The following DIP2A variants were observed in gnomAD, a reference collection of about 807,000 sequenced individuals.
DIP2A encodes DIP2 acetate--CoA ligase A, also known as disco-interacting protein 2 homolog A.
A neutral mutation model predicts 177.4 loss-of-function variants in DIP2A; 85 were observed. The ratio of observed to expected loss-of-function variants is 0.48; its 90% CI spans 0.40 to 0.57. The LOEUF is 0.57. Ranked by LOEUF, DIP2A falls within the 20% of genes least tolerant of loss-of-function variation. The pLI, the probability that DIP2A is intolerant of heterozygous loss-of-function variation, is 0.00. For synonymous variants in DIP2A, 886 were observed against 881.8 expected (o/e 1.00, Z -0.08); for missense variants, 1,791 against 2,100.2 (o/e 0.85, Z 2.88).
rs1601524236 is a variant in DIP2A, at chr21:46,498,470, G to T, written c.404-112G>T. The T allele has an allele frequency of 1.5e-6, 2 of 1,316,096 alleles. No individual in the cohort carries two copies. Among genetic ancestry groups the T allele is most frequent in the African/African-American group, 1.5e-5 (1 of 68,298 alleles). 81.5% of individuals were successfully genotyped at this position (1,316,096 alleles called of 1,614,324 possible). On this transcript the variant is annotated intron_variant, in intron 4 of 37. Transcript: ENST00000417564. This position sits in a 1 kb window ranked among gnomAD's most constrained non-coding sequence, Gnocchi z 4.3. ...GTGGCTTTGGGCAGAGCTGTGCCAG[G>T]TGTACAGAAGCATGCTGCACACAGG...
rs2060723802 is a variant in DIP2A at position 46,563,164 on chromosome 21, G to A, written c.4090-694G>A. Among the ~76,000 whole-genome samples, 1 of 152,180 alleles carries A rather than the reference G, an allele frequency of 6.6e-6. No individual in the cohort carries two copies. Among genetic ancestry groups the A allele is most frequent in the South Asian group, 2.1e-4 (1 of 4,828 alleles). ...GAAACAGAACAGTCCCACTCCGCCGGGGAGGGTCTGGCGGTAACCGTAGCT... is the reference window on the plus strand; with the variant it reads ...GAAACAGAACAGTCCCACTCCGCCGAGGAGGGTCTGGCGGTAACCGTAGCT... On this transcript the variant is annotated intron_variant, in intron 34 of 37. Coordinates refer to ENST00000417564, the MANE Select transcript of DIP2A (RefSeq NM_015151.4). The surrounding 1 kb of genome is among the most constrained non-coding windows in gnomAD (Gnocchi z 4.3).
Position 46,541,874 on chromosome 21 carries a change from G to A in DIP2A, c.2155G>A (p.Val719Ile), listed in dbSNP as rs750844946. Residue 719 changes from valine (V) to isoleucine (I), a missense_variant, in exon 18 of 38, where the codon GTT becomes ATT. Physicochemically the swap from Val to Ile is conservative, Grantham distance 29. Coordinates refer to ENST00000417564, the MANE Select transcript of DIP2A (RefSeq NM_015151.4). ...EKLSVLTVQD[V>I]GQVMPGANVC... ...GTTGTCAGTCCTTACTGTTCAGGAC[G>A]TTGGTCAGGTGATGCCTGGAGGTAA... is the stretch of plus-strand genomic sequence containing the variant. 9.3e-6 allele frequency: 15 copies of A among 1,614,052 alleles called. No homozygotes were observed. The highest frequency in any genetic ancestry group is 1.6e-4 in the Middle Eastern group (1 of 6,062).
chr21:46,484,649 C>T (rs760030204), intron 1 of DIP2A, 108 bp from the exon 2 acceptor site: 74 of 922,724 alleles, frequency 8.0e-5, no homozygotes, highest in Non-Finnish European at 1.2e-4. Context: ...CCAGACACTT[C>T]ATGGAAGGAC....
intron 32 of DIP2A, among the ~76,000 whole-genome samples, chr21:46,560,233 G>T (rs116891360): frequency 3.3e-5 from 5 of 152,102 alleles, no homozygotes; most frequent in Admixed American, 2.6e-4. Flanking sequence ...TCCTTTAGTC[G>T]GGATTAATGT....
In DIP2A at chr21:46,557,717, C is replaced by T; in HGVS notation, c.3762C>T (p.Cys1254=). 1 of 1,613,088 alleles carries T rather than the reference C, an allele frequency of 6.2e-7. No individual in the cohort carries two copies. Among genetic ancestry groups the T allele is most frequent in the South Asian group, 1.1e-5 (1 of 91,052 alleles). ...TFCSYSVMEM[C]TKGLGAQTGV... is the part of the protein sequence containing the mutation. ...GCTCCTACTCTGTGATGGAGATGTGCACCAAGGGCCTAGGCGCACAGACGG... is the reference window on the plus strand; with the variant it reads ...GCTCCTACTCTGTGATGGAGATGTGTACCAAGGGCCTAGGCGCACAGACGG... Residue 1254 remains cysteine, a synonymous_variant, in exon 31 of 38, where the codon TGC becomes TGT. Coordinates refer to ENST00000417564, the MANE Select transcript of DIP2A (RefSeq NM_015151.4). This position sits in a 1 kb window ranked among gnomAD's most constrained non-coding sequence, Gnocchi z 6.0.
chr21:46,464,844 T>TTTTTTC (rs58546395), intron 1 of DIP2A, among the ~76,000 whole-genome samples: 5 of 111,218 alleles, frequency 4.5e-5, no homozygotes, highest in Non-Finnish European at 7.0e-5. Flanking sequence ...TTTTTTTTTT[T>TTTTTTC]CAAGAAAACA....
intron 1 of DIP2A, among the ~76,000 whole-genome samples, chr21:46,465,798 T>C (rs1250815244): frequency 1.3e-5 from 2 of 152,186 alleles, no homozygotes; most frequent in Non-Finnish European, 1.5e-5. Flanking sequence ...GGGAAGTACA[T>C]GAATTGCTTT....
At chr21:46,504,173 C>T (rs1018926612) in intron 5 of DIP2A, 188 bp from the exon 6 acceptor site, 6 of 709,602 alleles carry the variant, frequency 8.5e-6, no homozygotes, top group African/African-American at 3.5e-5. Flanking sequence ...GTCTGCATAA[C>T]GTGTCTGGGA....
the DIP2A span, among the ~76,000 whole-genome samples, chr21:46,575,224 G>T: frequency 3.3e-5 from 5 of 152,010 alleles, no homozygotes; most frequent in Admixed American, 3.3e-4. Context: ...GCAAAATTCA[G>T]TACCCTATAA....
intron 3 of DIP2A, 143 bp downstream of exon 3, chr21:46,490,862 A>G (rs2056974775): frequency 8.9e-7 from 1 of 1,119,064 alleles, no homozygotes; most frequent in Non-Finnish European, 1.2e-6. Flanking sequence ...GTACATCATC[A>G]TATTTTTTTC....
chr21:46,576,537 G>T, the DIP2A span, among the ~76,000 whole-genome samples: 1 of 152,248 alleles, frequency 6.6e-6, no homozygotes, highest in South Asian at 2.1e-4. Flanking sequence ...ACAGCCATTT[G>T]GGTTGATTCC....
the DIP2A span, among the ~76,000 whole-genome samples, chr21:46,577,101 C>A: frequency 3.3e-5 from 5 of 152,254 alleles, no homozygotes; most frequent in East Asian, 3.9e-4. Flanking sequence ...ATGATAGTTT[C>A]TTTTGCTGTG....
At chr21:46,511,018 C>G (rs1034284120) in intron 7 of DIP2A, among the ~76,000 whole-genome samples, 1 of 152,156 alleles carries the variant, frequency 6.6e-6, no homozygotes, top group Non-Finnish European at 1.5e-5. Context: ...GTTCTGCTTG[C>G]TTTCCTCCTG....
At chr21:46,489,082 GACACACACAA>G (rs1310450400) in intron 2 of DIP2A, among the ~76,000 whole-genome samples, 1 of 150,918 alleles carries the variant, frequency 6.6e-6, no homozygotes, top group Non-Finnish European at 1.5e-5. Context: ...TACACACACA[GACACACACAA>G]ACACACGTGT....
intron 8 of DIP2A, among the ~76,000 whole-genome samples, chr21:46,525,998 T>G (rs1484528465): frequency 2.6e-5 from 4 of 151,620 alleles, no homozygotes; most frequent in African/African-American, 9.7e-5. Context: ...AACCTCTGCC[T>G]CCCGGGTTCA....
the DIP2A span, among the ~76,000 whole-genome samples, chr21:46,578,640 C>T: frequency 3.9e-5 from 6 of 152,036 alleles, no homozygotes; most frequent in South Asian, 1.2e-3. Flanking sequence ...CTTCAATATC[C>T]AGTTTATTGA....
intron 5 of DIP2A, among the ~76,000 whole-genome samples, chr21:46,499,705 C>G (rs538761641): frequency 2.0e-5 from 3 of 152,304 alleles, no homozygotes; most frequent in African/African-American, 7.2e-5. Context: ...GCATAGTTAG[C>G]TGTATGTAGC....
At position 46,556,067 on chromosome 21, in the gene DIP2A, C is replaced by T. The variant is rs747092720; in HGVS notation, c.3474C>T (p.Thr1158=). The T allele has an allele frequency of 2.5e-6, 4 of 1,613,808 alleles. No individual in the cohort carries two copies. The African/African-American group carries it at 5.3e-5, about 22-fold the overall frequency. ...CATACTTGGACTTCAGCGTGTCAACCACTGGGATATTAGCGGGAGTGAAGG... is the reference window on the plus strand; with the variant it reads ...CATACTTGGACTTCAGCGTGTCAACTACTGGGATATTAGCGGGAGTGAAGG... The part of the protein sequence containing the change: ...VLAYLDFSVS[T]TGILAGVKMS... Residue 1158 remains threonine (T), a synonymous_variant, in exon 29 of 38, where the codon ACC becomes ACT. Transcript: ENST00000417564. This position sits in a 1 kb window ranked among gnomAD's most constrained non-coding sequence, Gnocchi z 4.5.
chr21:46,474,808 C>A (rs2055701222), intron 1 of DIP2A, among the ~76,000 whole-genome samples: 1 of 152,094 alleles, frequency 6.6e-6, no homozygotes, highest in African/African-American at 2.4e-5. Context: ...AAAAGGAATT[C>A]ATAGTCTAGG....
Sources: gnomAD v4.1 joint callset for allele counts (sites outside exome capture counted in the v4.1 genomes callset) on GRCh38, gnomAD v4.1.1 for gene constraint, Gnocchi (gnomAD v3.1) non-coding constraint, MANE v1.5 for transcripts, NCBI Gene and HGNC (gene_info 2026-07-23, HGNC 2026-07-21) for gene names.